The following ADAM9 variants were observed in gnomAD, a reference collection of about 807,000 sequenced individuals.
ADAM9 encodes ADAM metallopeptidase domain 9.
ADAM9 carries 54 observed loss-of-function variants against 108.1 expected under a neutral mutation model. The observed-to-expected ratio is 0.50, with a 90% CI of 0.40 to 0.63. The LOEUF is 0.63. Among genes scored for constraint, ADAM9 ranks in the 20% least tolerant of loss-of-function variants. ADAM9 has a pLI of 0.00. For missense variants in ADAM9, 830 were observed against 997.7 expected (o/e 0.83, Z 2.26); for synonymous variants, 316 against 336.0 (o/e 0.94, Z 0.65).
At chr8:39,038,405 C>T (rs1311818207) in intron 11 of ADAM9, among the ~76,000 whole-genome samples, 1 of 152,138 alleles carries the variant, frequency 6.6e-6, no homozygotes, top group East Asian at 1.9e-4. Context: ...TAGTGTTTTC[C>T]TCCCAGATAC....
chr8:39,070,864 C>A (rs1185598011), intron 14 of ADAM9, among the ~76,000 whole-genome samples: 1 of 151,962 alleles, frequency 6.6e-6, no homozygotes, highest in African/African-American at 2.4e-5. Flanking sequence ...ACCAAGCATC[C>A]ATATATGATA....
At chr8:39,022,993 G>A (rs546358328) in intron 8 of ADAM9, among the ~76,000 whole-genome samples, 163 bp from the exon 9 acceptor site, 11 of 152,258 alleles carry the variant, frequency 7.2e-5, no homozygotes, top group South Asian at 2.1e-4. Context: ...GATTACAGGC[G>A]TGAGCCACTG....
intron 15 of ADAM9, among the ~76,000 whole-genome samples, chr8:39,075,055 C>T (rs1039621156): frequency 7.2e-5 from 11 of 151,896 alleles, no homozygotes; most frequent in African/African-American, 2.7e-4. Flanking sequence ...TACAGGTGTG[C>T]ACCATCATGC....
At chr8:39,074,798 G>A (rs1170814794) in intron 15 of ADAM9, among the ~76,000 whole-genome samples, 1 of 151,886 alleles carries the variant, frequency 6.6e-6, no homozygotes, top group African/African-American at 2.4e-5. Flanking sequence ...AAATGGCTGG[G>A]CCAGTGGGCT....
In ADAM9 at chr8:39,077,385, G is replaced by C; in HGVS notation, c.1855G>C (p.Glu619Gln). Residue 619 changes from glutamate to glutamine, a missense_variant, in exon 16 of 22, where the codon GAA (glutamate) becomes CAA (glutamine). This residue lies in a region of ADAM9 where 381 missense variants were observed against 539.8 expected (regional missense o/e 0.71). Transcript: ENST00000487273. ...SDVPDPGMVN[E>Q]GTKCGAGKIC... is the part of the protein sequence containing the mutation. ...TGTTCCAGATCCTGGGATGGTTAAC[G>C]AAGGCACAAAATGTGGTGCTGGAAA... 6.2e-7 allele frequency: 1 copy of C among 1,613,300 alleles called. No homozygotes were observed. Among genetic ancestry groups the C allele is most frequent in the Non-Finnish European group, 8.5e-7 (1 of 1,179,554 alleles).
chr8:39,084,574 A>T (rs1348494074), intron 18 of ADAM9, among the ~76,000 whole-genome samples: 1 of 150,530 alleles, frequency 6.6e-6, no homozygotes, highest in Non-Finnish European at 1.5e-5. Context: ...ATTGTGTATG[A>T]CTTGAATCCT....
At chr8:39,021,162 C>T (rs189003218) in intron 7 of ADAM9, among the ~76,000 whole-genome samples, 249 of 152,270 alleles carry the variant, frequency 1.6e-3, no homozygotes, top group African/African-American at 5.6e-3. Flanking sequence ...TTCTTTTATT[C>T]CTGTCACTAC....
At chr8:39,073,797 T>G (rs1233713749) in intron 15 of ADAM9, among the ~76,000 whole-genome samples, 2 of 152,194 alleles carry the variant, frequency 1.3e-5, no homozygotes, top group Non-Finnish European at 2.9e-5. Flanking sequence ...ACTATACTTA[T>G]CAAACTTTAA....
chr8:39,102,214 G>A lies in ADAM9; in HGVS notation c.2366+284G>A, dbSNP rs1243420434. Among the ~76,000 whole-genome samples, 3 of 152,180 alleles carry A rather than the reference G, an allele frequency of 2.0e-5. No individual in the cohort carries two copies. The East Asian group carries it at 5.8e-4, about 29-fold the overall frequency. On this transcript the variant is annotated intron_variant, in intron 21 of 21. Transcript: ENST00000487273. ...GCAAGGGCCTTTGAGATAACCAGCA[G>A]TAGGAAACCAGATGGGTTGGAACAG...
chr8:38,998,446 A>G (rs945381610), intron 1 of ADAM9, among the ~76,000 whole-genome samples: 2 of 152,148 alleles, frequency 1.3e-5, no homozygotes, highest in South Asian at 2.1e-4. Context: ...TTAAATGTTA[A>G]TATAAATTGT....
chr8:39,048,573 A>G (rs1837850030), intron 12 of ADAM9, among the ~76,000 whole-genome samples: 1 of 152,052 alleles, frequency 6.6e-6, no homozygotes, highest in Admixed American at 6.6e-5. Flanking sequence ...TGTTCTGTAT[A>G]TGTCTATTAG....
rs141278103 is a variant in ADAM9, at chr8:39,068,864, T to G, written c.1592-2434T>G. ...ACTGTGCCTGGTATCTCTTGAGTCC[T>G]GGAACCTTGTGTTCTACTCTCTCCA... On this transcript the variant is annotated intron_variant, in intron 14 of 21. Transcript: ENST00000487273. Among the ~76,000 whole-genome samples, 373 of 152,126 alleles carry G rather than the reference T, an allele frequency of 2.5e-3. 2 individuals carry two copies. The highest frequency in any genetic ancestry group is 8.5e-3 in the African/African-American group (354 of 41,428).
At position 39,011,724 on chromosome 8, in the gene ADAM9, A is replaced by G. The variant is rs752601927; in HGVS notation, c.254+8A>G. The G allele has an allele frequency of 6.2e-7, 1 of 1,605,542 alleles. No homozygotes were observed. Among genetic ancestry groups the G allele is most frequent in the Non-Finnish European group, 8.5e-7 (1 of 1,172,336 alleles). ...TCACTTGGAAAGGAACAAGTAAGAC[A>G]TTTAATTTATTTTGGCTTTTCAGTA... is the stretch of plus-strand genomic sequence containing the variant. On this transcript the variant is annotated splice_region_variant and intron_variant, in intron 3 of 21. Transcript: ENST00000487273.
intron 14 of ADAM9, among the ~76,000 whole-genome samples, chr8:39,060,532 A>G (rs530949269): frequency 2.0e-5 from 3 of 152,338 alleles, no homozygotes; most frequent in Admixed American, 2.0e-4. Flanking sequence ...GGGAGTGGCC[A>G]GATGCAACTT....
At chr8:39,032,428 G>C (rs919754413) in intron 11 of ADAM9, among the ~76,000 whole-genome samples, 3 of 152,264 alleles carry the variant, frequency 2.0e-5, no homozygotes, top group Non-Finnish European at 4.4e-5. Context: ...CAATCTGCCT[G>C]CTGCCCTAGC....
intron 3 of ADAM9, among the ~76,000 whole-genome samples, chr8:39,012,381 A>T (rs1836383184): frequency 6.6e-6 from 1 of 152,248 alleles, no homozygotes; most frequent in Non-Finnish European, 1.5e-5. Flanking sequence ...TGTGGAAGAC[A>T]GTATGGCGAT....
chr8:39,078,201 T>TA (rs1838908581), intron 16 of ADAM9, among the ~76,000 whole-genome samples: 1 of 152,160 alleles, frequency 6.6e-6, no homozygotes, highest in South Asian at 2.1e-4. Context: ...GATCCATATA[T>TA]TTTTGGTCCT....
chr8:39,069,679 G>A (rs1322243935), intron 14 of ADAM9, among the ~76,000 whole-genome samples: 1 of 152,008 alleles, frequency 6.6e-6, no homozygotes, highest in Non-Finnish European at 1.5e-5. Flanking sequence ...AGCTGATGAA[G>A]ACTTACTGCT....
intron 3 of ADAM9, among the ~76,000 whole-genome samples, chr8:39,012,195 C>A (rs902735127): frequency 1.3e-5 from 2 of 152,228 alleles, no homozygotes; most frequent in Non-Finnish European, 2.9e-5. Context: ...AGATTATGAA[C>A]CGCTGAGATA....
Sources: gnomAD v4.1 joint callset for allele counts (sites outside exome capture counted in the v4.1 genomes callset) on GRCh38, gnomAD v4.1.1 for gene constraint, gnomAD v4.1.1 regional missense constraint, MANE v1.5 for transcripts, NCBI Gene and HGNC (gene_info 2026-07-23, HGNC 2026-07-21) for gene names.